Variants in WDPCP observed in about 807,000 individuals in gnomAD.
WDPCP encodes WD repeat-containing and planar cell polarity effector protein fritz homolog.
In WDPCP, 71 loss-of-function variants were observed where a neutral mutation model predicts 93.1. That is an observed-to-expected ratio of 0.76 (90% CI 0.63 to 0.93). The LOEUF (loss-of-function observed/expected upper bound fraction) is 0.93, where lower values mean the gene tolerates loss of function less well. Ranked by LOEUF, WDPCP falls within the 40% of genes least tolerant of loss-of-function variation. The pLI, the probability that WDPCP is intolerant of heterozygous loss-of-function variation, is 0.00. For synonymous variants in WDPCP, 315 were observed against 315.0 expected (o/e 1.00, Z 0.00); for missense variants, 844 against 887.4 (o/e 0.95, Z 0.62).
chr2:63,241,009 T>A (rs540633492), intron 14 of WDPCP, among the ~76,000 whole-genome samples: 20 of 152,206 alleles, frequency 1.3e-4, no homozygotes, highest in Non-Finnish European at 2.6e-4. Flanking sequence ...TGAAAATAAC[T>A]AATTTAGAGA....
chr2:63,683,711 C>A (rs574584584), intron 2 of WDPCP, among the ~76,000 whole-genome samples: 12 of 152,008 alleles, frequency 7.9e-5, no homozygotes, highest in African/African-American at 2.9e-4. Context: ...TAGCTGGGCA[C>A]GGTGGCATGC....
rs536710416 is a variant in WDPCP, at chr2:63,760,384, C to T, written n.308+53238G>A. Among the ~76,000 whole-genome samples, 3 of 152,146 alleles carry T rather than the reference C, an allele frequency of 2.0e-5. No homozygotes were observed. The South Asian group carries it at 6.2e-4, about 32-fold the overall frequency. On this transcript the variant is annotated intron_variant and non_coding_transcript_variant, in intron 2 of 4. Coordinates refer to the WDPCP transcript ENST00000467687. ...GCATCTATAACACAGAGCGTTTACA[C>T]ACGAAAAGGATTTCTTTTTCTCCAA...
intron 6 of WDPCP, among the ~76,000 whole-genome samples, chr2:63,469,203 G>A (rs1351246251): frequency 6.6e-6 from 1 of 152,214 alleles, no homozygotes; most frequent in Non-Finnish European, 1.5e-5. Flanking sequence ...CATAACAGAT[G>A]CTGGTGAGGT....
chr2:63,241,648 G>C (rs1320012564), intron 14 of WDPCP, among the ~76,000 whole-genome samples: 3 of 152,146 alleles, frequency 2.0e-5, no homozygotes, highest in Non-Finnish European at 4.4e-5. Flanking sequence ...GTCAAGGCTA[G>C]AGTATAGTGG....
chr2:63,462,747 G>C (rs1699102989), intron 6 of WDPCP, among the ~76,000 whole-genome samples: 1 of 152,076 alleles, frequency 6.6e-6, no homozygotes. Context: ...GGGAAAGAAG[G>C]AGTTGGATAA....
chr2:63,748,784 A>G (rs935573876), intron 2 of WDPCP, among the ~76,000 whole-genome samples: 1 of 151,846 alleles, frequency 6.6e-6, no homozygotes, highest in Non-Finnish European at 1.5e-5. Flanking sequence ...TCACTCGTAT[A>G]TTTTGTTGTG....
chr2:63,604,789 G>C (rs1275203441), intron 3 of WDPCP: 1 of 1,614,064 alleles, frequency 6.2e-7, no homozygotes, highest in Non-Finnish European at 8.5e-7. Flanking sequence ...TGTCAACCAT[G>C]CCAAGGTGAA....
At chr2:63,148,963 A>G (rs1671714715) in intron 17 of WDPCP, among the ~76,000 whole-genome samples, 1 of 152,138 alleles carries the variant, frequency 6.6e-6, no homozygotes, top group Admixed American at 6.5e-5. Flanking sequence ...TCTGTATGAG[A>G]TTGGAAATAA....
At chr2:63,431,553 T>C (rs1432376715) in intron 9 of WDPCP, among the ~76,000 whole-genome samples, 1 of 134,082 alleles carries the variant, frequency 7.5e-6, no homozygotes, top group Admixed American at 7.3e-5. Flanking sequence ...TGGCTGCTAC[T>C]GAAAAAAAAA....
At chr2:63,130,627 A>ATT (rs368648679) in intron 17 of WDPCP, among the ~76,000 whole-genome samples, 1 of 148,864 alleles carries the variant, frequency 6.7e-6, no homozygotes, top group African/African-American at 2.5e-5. Context: ...AAGGATGAGT[A>ATT]TTTTTTTTTT....
intron 9 of WDPCP, among the ~76,000 whole-genome samples, chr2:63,429,866 C>T (rs1286636219): frequency 6.6e-6 from 1 of 151,966 alleles, no homozygotes; most frequent in Admixed American, 6.6e-5. Context: ...AATCATTCTA[C>T]CAAAAGGACG....
chr2:63,356,249 CCA>C (rs1690015396), intron 12 of WDPCP, among the ~76,000 whole-genome samples: 1 of 152,146 alleles, frequency 6.6e-6, no homozygotes, highest in African/African-American at 2.4e-5. Context: ...ATATATGACC[CCA>C]ACACAGGAGC....
rs201106688 is a variant in WDPCP at position 63,605,996 on chromosome 2, G to C, written n.488+44663C>G. On this transcript the variant is annotated intron_variant and non_coding_transcript_variant, in intron 3 of 4. Transcript: ENST00000467687. ...TGGCAACTCCTATGGTGTTCCTGAT[G>C]ATCTGCTCTACTCATTCCCTGTTGT... 2.5e-5 allele frequency: 40 copies of C among 1,614,144 alleles called. No homozygotes were observed. Among genetic ancestry groups the C allele is most frequent in the Admixed American group, 1.7e-4 (10 of 60,036 alleles).
At chr2:63,393,394 G>C (rs1451351244) in intron 10 of WDPCP, among the ~76,000 whole-genome samples, 1 of 152,056 alleles carries the variant, frequency 6.6e-6, no homozygotes, top group African/African-American at 2.4e-5. Flanking sequence ...AGCGGGTGGG[G>C]GGCTAGGGGA....
At chr2:63,452,003 C>A (rs147869925) in intron 6 of WDPCP, among the ~76,000 whole-genome samples, 1 of 152,108 alleles carries the variant, frequency 6.6e-6, no homozygotes, top group Non-Finnish European at 1.5e-5. Flanking sequence ...TGGGCAAAAA[C>A]GGGAAGCACT....
At chr2:63,521,401 T>C (rs1702921842) in intron 1 of WDPCP, among the ~76,000 whole-genome samples, 1 of 151,486 alleles carries the variant, frequency 6.6e-6, no homozygotes, top group African/African-American at 2.4e-5. Context: ...AAGCAGGGGG[T>C]TGCTATCTAA....
At chr2:63,466,262 C>T (rs550015846) in intron 6 of WDPCP, among the ~76,000 whole-genome samples, 326 of 151,942 alleles carry the variant, frequency 2.1e-3, no homozygotes, top group Non-Finnish European at 3.6e-3. Context: ...TTCACAGTCA[C>T]TTGTTAAGTA....
rs1694420332 is a variant in WDPCP, at chr2:63,404,588, C to T, written c.895G>A (p.Val299Met). The T allele has an allele frequency of 1.2e-6, 2 of 1,614,046 alleles. No individual in the cohort carries two copies. Among genetic ancestry groups the T allele is most frequent in the East Asian group, 2.2e-5 (1 of 44,878 alleles). The change falls in exon 10 of 18, where the codon GTG becomes ATG. Residue 299 changes from valine to methionine, a missense_variant. Val to Met is a conservative substitution (Grantham distance 21). Transcript: ENST00000272321. ...CTTACGGAGTGCTCCACTGTGAACA[C>T]CTGATAAGGCTGTTTGGTGCCAAAG... The part of the protein sequence containing the change: ...VRFGTKQPYQ[V>M]FTVEHSVSVD...
intron 15 of WDPCP, among the ~76,000 whole-genome samples, chr2:63,155,366 C>A (rs965098475): frequency 6.6e-6 from 1 of 152,052 alleles, no homozygotes; most frequent in African/African-American, 2.4e-5. Flanking sequence ...GTGTATTGTG[C>A]CAATACCATT....
Sources: allele counts gnomAD v4.1 joint callset (sites outside exome capture counted in the v4.1 genomes callset), GRCh38; gene constraint gnomAD v4.1.1; transcripts MANE v1.5; gene names NCBI Gene and HGNC (gene_info 2026-07-23, HGNC 2026-07-21).